The following CDH13 variants were observed in gnomAD, a reference collection of about 807,000 sequenced individuals.
The protein encoded by CDH13 is cadherin 13.
A neutral mutation model predicts 63.8 loss-of-function variants in CDH13; 24 were observed. The observed-to-expected ratio is 0.38, with a 90% CI of 0.27 to 0.53. The LOEUF (loss-of-function observed/expected upper bound fraction) is 0.53, where lower values mean the gene tolerates loss of function less well. Ranked by LOEUF, CDH13 falls within the 20% of genes least tolerant of loss-of-function variation. The pLI is 0.85. For missense variants in CDH13, 1,049 were observed against 903.1 expected (o/e 1.16, Z -2.07); for synonymous variants, 503 against 355.3 (o/e 1.42, Z -4.67).
intron 7 of CDH13, among the ~76,000 whole-genome samples, chr16:83,599,939 G>A (rs1567796056): frequency 6.6e-6 from 1 of 152,120 alleles, no homozygotes. Context: ...CAATTTACTG[G>A]TTTCATATGG....
At chr16:83,701,455 T>C (rs1326191908) in intron 10 of CDH13, among the ~76,000 whole-genome samples, 2 of 152,318 alleles carry the variant, frequency 1.3e-5, no homozygotes, top group African/African-American at 2.4e-5. Context: ...CATCCGGTCG[T>C]AGGCCGTACC....
chr16:83,095,412 G>A (rs192300423), intron 3 of CDH13, among the ~76,000 whole-genome samples: 8 of 152,158 alleles, frequency 5.3e-5, no homozygotes, highest in Non-Finnish European at 1.2e-4. Context: ...CTGGCAATTT[G>A]TAAACATCAT....
intron 7 of CDH13, among the ~76,000 whole-genome samples, chr16:83,524,195 G>T (rs1445361180): frequency 6.6e-6 from 1 of 152,170 alleles, no homozygotes; most frequent in Admixed American, 6.5e-5. Context: ...AGAATTTGCA[G>T]TTAAGAGAAT....
chr16:83,657,604 A>T (rs1393981548), intron 8 of CDH13, among the ~76,000 whole-genome samples: 1 of 152,174 alleles, frequency 6.6e-6, no homozygotes. Context: ...TTTGCTGGAG[A>T]GGCTGTGGGC....
At chr16:83,787,568 A>C (rs1477875891) in intron 13 of CDH13, among the ~76,000 whole-genome samples, 1 of 152,190 alleles carries the variant, frequency 6.6e-6, no homozygotes, top group Non-Finnish European at 1.5e-5. Flanking sequence ...TACGTTTTCC[A>C]CCAGCTTCTG....
chr16:83,283,887 A>G (rs1012967952), intron 5 of CDH13, among the ~76,000 whole-genome samples: 3 of 152,092 alleles, frequency 2.0e-5, no homozygotes, highest in African/African-American at 7.3e-5. Flanking sequence ...GGCTGGGGAT[A>G]TAATTTTATT....
At chr16:83,535,145 G>A (rs763173895) in intron 7 of CDH13, among the ~76,000 whole-genome samples, 2 of 152,212 alleles carry the variant, frequency 1.3e-5, no homozygotes, top group East Asian at 3.9e-4. Flanking sequence ...GAGTTAACTG[G>A]GAGACCAGAG....
At chr16:83,261,200 C>A (rs116026279) in intron 5 of CDH13, among the ~76,000 whole-genome samples, 4,652 of 152,078 alleles carry the variant, frequency 0.031, 241 homozygotes, top group African/African-American at 0.11. Flanking sequence ...GCGGAGTGGG[C>A]AGATACAGCC....
At chr16:83,758,305 G>T (rs369920933) in intron 11 of CDH13, among the ~76,000 whole-genome samples, 2 of 152,070 alleles carry the variant, frequency 1.3e-5, no homozygotes, top group Non-Finnish European at 2.9e-5. Flanking sequence ...TCTCACTCAT[G>T]AGCATAAATT....
intron 1 of CDH13, among the ~76,000 whole-genome samples, chr16:82,651,125 A>G (rs542159369): frequency 1.3e-5 from 2 of 152,286 alleles, no homozygotes; most frequent in South Asian, 2.1e-4. Flanking sequence ...AAATTTATCT[A>G]ATTTTAGTGG....
intron 6 of CDH13, among the ~76,000 whole-genome samples, chr16:83,416,065 A>G (rs1218177130): frequency 2.0e-5 from 3 of 152,230 alleles, no homozygotes; most frequent in Non-Finnish European, 2.9e-5. Flanking sequence ...GGGATACAAA[A>G]TCAACAAACA....
chr16:82,770,621 A>T (rs2035223775), intron 1 of CDH13, among the ~76,000 whole-genome samples: 1 of 152,236 alleles, frequency 6.6e-6, no homozygotes, highest in Non-Finnish European at 1.5e-5. Context: ...ATGATTTTTA[A>T]GCAGTCAATT....
At chr16:83,252,495 C>A (rs1597598749) in intron 5 of CDH13, among the ~76,000 whole-genome samples, 1 of 151,964 alleles carries the variant, frequency 6.6e-6, no homozygotes, top group Non-Finnish European at 1.5e-5. Context: ...TAGGAGCACG[C>A]CTATTCTTAA....
chr16:83,736,525 C>T (rs931085375), intron 10 of CDH13, among the ~76,000 whole-genome samples: 6 of 152,064 alleles, frequency 3.9e-5, no homozygotes, highest in East Asian at 1.9e-4. Flanking sequence ...ATGACCCTTA[C>T]GAAGTGTCAA....
rs1904279506 is a variant in CDH13, at chr16:83,796,092, A to G, written c.*1062A>G. 6.6e-6 allele frequency: 1 copy of G among 152,636 alleles called. No homozygotes were observed. Among genetic ancestry groups the G allele is most frequent in the Non-Finnish European group, 1.5e-5 (1 of 68,034 alleles). The allele number at this position is 152,636 out of a possible 1,614,324, so 9.5% of individuals were successfully genotyped here. A position where few individuals can be genotyped will look rare whatever the true frequency, so the allele number is the denominator to read the frequency against. On this transcript the variant is annotated 3_prime_UTR_variant, in exon 14 of 14. Transcript: ENST00000567109. ...GTTTTAAAAGTACCCTTTTGTGTGAATTGACTACCGTTGTTTGCAAACCCG... is the reference window on the plus strand; with the variant it reads ...GTTTTAAAAGTACCCTTTTGTGTGAGTTGACTACCGTTGTTTGCAAACCCG...
intron 5 of CDH13, among the ~76,000 whole-genome samples, chr16:83,277,149 G>A (rs1427295474): frequency 6.6e-6 from 1 of 152,108 alleles, no homozygotes; most frequent in East Asian, 1.9e-4. Flanking sequence ...AATAAATACT[G>A]GATAGGTGGA....
At chr16:83,079,219 C>T (rs887148505) in intron 3 of CDH13, among the ~76,000 whole-genome samples, 1 of 152,176 alleles carries the variant, frequency 6.6e-6, no homozygotes, top group Non-Finnish European at 1.5e-5. Flanking sequence ...TCAGCTATAC[C>T]AGAAGTAGTG....
At chr16:83,404,624 A>C (rs1241440744) in intron 6 of CDH13, among the ~76,000 whole-genome samples, 3 of 152,174 alleles carry the variant, frequency 2.0e-5, no homozygotes, top group Non-Finnish European at 4.4e-5. Context: ...CTCACACACA[A>C]ATACACACAC....
At chr16:82,880,486 T>C (rs2040662987) in intron 2 of CDH13, among the ~76,000 whole-genome samples, 1 of 152,150 alleles carries the variant, frequency 6.6e-6, no homozygotes. Flanking sequence ...ATTTGCTCTG[T>C]TATTTTGGTG....
Sources: gnomAD v4.1 joint callset for allele counts (sites outside exome capture counted in the v4.1 genomes callset) on GRCh38, gnomAD v4.1.1 for gene constraint, MANE v1.5 for transcripts, NCBI Gene and HGNC (gene_info 2026-07-23, HGNC 2026-07-21) for gene names.